Variants in RARS2 observed in about 807,000 individuals in gnomAD.
RARS2 encodes probable arginine--tRNA ligase, mitochondrial.
In RARS2, 67 loss-of-function variants were observed where a neutral mutation model predicts 88.5. The ratio of observed to expected loss-of-function variants is 0.76; its 90% CI spans 0.62 to 0.93. The LOEUF is 0.93. Ranked by LOEUF, RARS2 falls within the 40% of genes least tolerant of loss-of-function variation. RARS2 has a pLI of 0.00. For missense variants in RARS2, 664 were observed against 684.2 expected (o/e 0.97, Z 0.33); for synonymous variants, 239 against 230.3 (o/e 1.04, Z -0.34).
chr6:87,562,474 T>C (rs1788142237), intron 4 of RARS2, among the ~76,000 whole-genome samples: 1 of 152,214 alleles, frequency 6.6e-6, no homozygotes, highest in Non-Finnish European at 1.5e-5. Flanking sequence ...TATACAGTGC[T>C]ATGAGAGCAT....
chr6:87,589,871 T>C (rs780396474), intron 1 of RARS2, 51 bp downstream of exon 1: 21 of 1,614,076 alleles, frequency 1.3e-5, no homozygotes, highest in Middle Eastern at 1.7e-4. Context: ...TGAAAGGCCT[T>C]TGGGGTCCCT....
intron 18 of RARS2, 79 bp from the exon 19 acceptor site, chr6:87,515,099 A>C (rs1394962217): frequency 5.6e-6 from 6 of 1,067,552 alleles, no homozygotes; most frequent in Non-Finnish European, 8.8e-6. Flanking sequence ...ATCTAATCTT[A>C]CTCCTTCAAC....
intron 1 of RARS2, among the ~76,000 whole-genome samples, chr6:87,575,225 G>GCACACA (rs58168335): frequency 0.043 from 4,935 of 114,530 alleles, 211 homozygotes; most frequent in Admixed American, 0.06. Context: ...AAAATAGAAA[G>GCACACA]CACACACACA....
intron 1 of RARS2, among the ~76,000 whole-genome samples, chr6:87,587,226 T>C (rs1055586416): frequency 2.0e-5 from 3 of 152,192 alleles, no homozygotes; most frequent in Non-Finnish European, 4.4e-5. Context: ...ACATTTCCAA[T>C]TTCCAATTGA....
chr6:87,536,246 A>C (rs1186200137), intron 8 of RARS2, among the ~76,000 whole-genome samples: 1 of 152,252 alleles, frequency 6.6e-6, no homozygotes, highest in East Asian at 1.9e-4. Context: ...AAGCCTGATA[A>C]GTTACCTTTA....
chr6:87,516,916 T>C, intron 17 of RARS2, 36 bp from the exon 18 acceptor site: 2 of 1,612,372 alleles, frequency 1.2e-6, no homozygotes, highest in Non-Finnish European at 1.7e-6. Context: ...AGGAAAAGAC[T>C]GTACACATTA....
At chr6:87,556,454 G>A (rs1392694437) in intron 4 of RARS2, among the ~76,000 whole-genome samples, 2 of 151,738 alleles carry the variant, frequency 1.3e-5, no homozygotes, top group African/African-American at 2.4e-5. Context: ...GAGTAGCTGC[G>A]ACTACAGGTA....
At chr6:87,575,481 G>A (rs1462472004) in intron 1 of RARS2, among the ~76,000 whole-genome samples, 1 of 152,132 alleles carries the variant, frequency 6.6e-6, no homozygotes, top group Admixed American at 6.6e-5. Context: ...GTGTCTACCA[G>A]AATTGTCTAT....
At position 87,564,227 on chromosome 6, in the gene RARS2, A is replaced by G. The variant is rs750163147; in HGVS notation, c.116T>C (p.Val39Ala). 4 of 1,606,014 alleles carry G rather than the reference A, an allele frequency of 2.5e-6. No homozygotes were observed. Among genetic ancestry groups the G allele is most frequent in the Non-Finnish European group, 3.4e-6 (4 of 1,172,826 alleles). The part of the protein sequence containing the change: ...SAVPISQKEE[V>A]ADFQLSVDSL... ...ATCCACAGAAAGCTGAAAATCAGCT[A>G]CTTCTCTAAAGACAGACATCGAAAC... is the stretch of plus-strand genomic sequence containing the variant. Residue 39 changes from valine (V) to alanine (A), a missense_variant, in exon 3 of 20, where the codon GTA becomes GCA. By Grantham distance (64) the Val-to-Ala change is moderately conservative (BLOSUM62 0). Coordinates refer to ENST00000369536, the MANE Select transcript of RARS2 (RefSeq NM_020320.5).
At chr6:87,560,233 A>T (rs972893126) in intron 4 of RARS2, among the ~76,000 whole-genome samples, 1 of 152,226 alleles carries the variant, frequency 6.6e-6, no homozygotes, top group Admixed American at 6.5e-5. Flanking sequence ...GAGATTTTTA[A>T]ATTTAACTTT....
Position 87,554,033 on chromosome 6 carries a change from C to G in RARS2, c.395+1375G>C, listed in dbSNP as rs534302253. Among the ~76,000 whole-genome samples the G allele has an allele frequency of 3.9e-5, 6 of 152,272 alleles. No homozygotes were observed. In the East Asian group the frequency reaches 1.2e-3, roughly 29 times the overall value. ...AGCTAATCATAACTAAGTTTAAAAG[C>G]TATTAAACTGCAATAATGAGTTAGT... is the stretch of plus-strand genomic sequence containing the variant. On this transcript the variant is annotated intron_variant, in intron 5 of 19. Transcript: ENST00000369536.
At chr6:87,540,466 A>AAC (rs1780582169) in intron 8 of RARS2, among the ~76,000 whole-genome samples, 3 of 151,802 alleles carry the variant, frequency 2.0e-5, no homozygotes, top group Admixed American at 6.6e-5. Flanking sequence ...AAAAAAAAAA[A>AAC]AAAACTGGAA....
At chr6:87,574,279 C>G (rs1770712400) in intron 1 of RARS2, among the ~76,000 whole-genome samples, 1 of 152,142 alleles carries the variant, frequency 6.6e-6, no homozygotes, top group Non-Finnish European at 1.5e-5. Context: ...AGAAAAATAT[C>G]AGGGCTAGTT....
intron 10 of RARS2, 24 bp downstream of exon 10, chr6:87,529,518 T>C (rs780127098): frequency 7.3e-7 from 1 of 1,361,934 alleles, no homozygotes; most frequent in African/African-American, 1.4e-5. Context: ...ATAATTTTAC[T>C]GAAGAATAGT....
chr6:87,582,550 AGTTT>A (rs2128223166), intron 1 of RARS2, among the ~76,000 whole-genome samples: 1 of 152,278 alleles, frequency 6.6e-6, no homozygotes, highest in African/African-American at 2.4e-5. Context: ...CTCTGATGAT[AGTTT>A]TTTTGTTTGT....
At chr6:87,589,281 A>T (rs768609758) in intron 1 of RARS2, among the ~76,000 whole-genome samples, 2 of 152,144 alleles carry the variant, frequency 1.3e-5, no homozygotes, top group Non-Finnish European at 2.9e-5. Context: ...GAAGCAGAGG[A>T]GGGAGGACAG....
At chr6:87,573,358 T>C (rs1770398684) in intron 1 of RARS2, among the ~76,000 whole-genome samples, 1 of 152,192 alleles carries the variant, frequency 6.6e-6, no homozygotes, top group Non-Finnish European at 1.5e-5. Flanking sequence ...ACCATCCCCA[T>C]GATCCAATCA....
At chr6:87,539,682 G>A (rs1780302033) in intron 8 of RARS2, among the ~76,000 whole-genome samples, 1 of 152,194 alleles carries the variant, frequency 6.6e-6, no homozygotes, top group African/African-American at 2.4e-5. Context: ...TAAGGTGGAT[G>A]TGTCAAGTTA....
At chr6:87,574,833 C>G (rs1562250280) in intron 1 of RARS2, among the ~76,000 whole-genome samples, 2 of 151,784 alleles carry the variant, frequency 1.3e-5, no homozygotes, top group Non-Finnish European at 2.9e-5. Flanking sequence ...TACCATAAAA[C>G]TAATAATTAA....
Sources: gnomAD v4.1 joint callset for allele counts (sites outside exome capture counted in the v4.1 genomes callset) on GRCh38, gnomAD v4.1.1 for gene constraint, MANE v1.5 for transcripts, NCBI Gene and HGNC (gene_info 2026-07-23, HGNC 2026-07-21) for gene names.